The following TENM4 variants were observed in gnomAD, a reference collection of about 807,000 sequenced individuals.
The protein encoded by TENM4 is teneurin-4.
Under a neutral mutation model 243.3 loss-of-function variants are expected in TENM4, and 82 were observed. The ratio of observed to expected loss-of-function variants is 0.34; its 90% CI spans 0.28 to 0.40. The LOEUF (loss-of-function observed/expected upper bound fraction) is 0.40, where lower values mean the gene tolerates loss of function less well. TENM4 is among the 10% of genes least tolerant of loss of function. The pLI, the probability that TENM4 is intolerant of heterozygous loss-of-function variation, is 1.00. For synonymous variants in TENM4, 1,412 were observed against 1,456.3 expected (o/e 0.97, Z 0.69); for missense variants, 3,138 against 3,673.3 (o/e 0.85, Z 3.77).
At chr11:79,179,716 A>C (rs1025899647) in intron 3 of TENM4, among the ~76,000 whole-genome samples, 4 of 151,832 alleles carry the variant, frequency 2.6e-5, no homozygotes, top group Non-Finnish European at 5.9e-5. Context: ...GATGATAAAA[A>C]GTTTGAAGAC....
At chr11:79,043,446 TGGTGGAGCTTCTGTCACCCTG>T (rs1233357127) in intron 6 of TENM4, among the ~76,000 whole-genome samples, 2 of 152,110 alleles carry the variant, frequency 1.3e-5, no homozygotes, top group Non-Finnish European at 2.9e-5. Context: ...CTCCACAAGA[TGGTGGAGCTTCTGTCACCCTG>T]GGTCCATGAG....
intron 2 of TENM4, among the ~76,000 whole-genome samples, chr11:79,227,009 A>G (rs1251860848): frequency 6.6e-6 from 1 of 152,284 alleles, no homozygotes; most frequent in African/African-American, 2.4e-5. Flanking sequence ...AGGGAGCTAC[A>G]TTTCTCAGGT....
At chr11:78,707,503 A>T (rs1859287000) in intron 27 of TENM4, among the ~76,000 whole-genome samples, 1 of 152,232 alleles carries the variant, frequency 6.6e-6, no homozygotes, top group African/African-American at 2.4e-5. Flanking sequence ...TCTTGTTTTA[A>T]CTGCGGCCAC....
At chr11:79,066,392 G>C (rs541806210) in intron 5 of TENM4, among the ~76,000 whole-genome samples, 2 of 152,306 alleles carry the variant, frequency 1.3e-5, no homozygotes, top group African/African-American at 4.8e-5. Flanking sequence ...CGGAGGGGTA[G>C]GAGGCGAGCC....
At chr11:78,996,447 C>T (rs755489228) in intron 6 of TENM4, among the ~76,000 whole-genome samples, 13 of 152,150 alleles carry the variant, frequency 8.5e-5, no homozygotes, top group Non-Finnish European at 1.3e-4. Context: ...AGCCACCATG[C>T]GACTAAAGCC....
chr11:79,253,634 T>C (rs769310234), intron 2 of TENM4, among the ~76,000 whole-genome samples: 20 of 152,192 alleles, frequency 1.3e-4, no homozygotes, highest in Non-Finnish European at 2.5e-4. Flanking sequence ...TCTGAACCGA[T>C]GGGATCCTAA....
At chr11:79,356,032 AC>A in intron 1 of TENM4, among the ~76,000 whole-genome samples, 1 of 152,268 alleles carries the variant, frequency 6.6e-6, no homozygotes, top group Admixed American at 6.5e-5. Context: ...CCACAGACTC[AC>A]CCCAGGCAGT....
intron 4 of TENM4, among the ~76,000 whole-genome samples, chr11:79,126,226 T>A (rs1861873499): frequency 6.6e-6 from 1 of 152,202 alleles, no homozygotes; most frequent in Non-Finnish European, 1.5e-5. Context: ...GAGATTGGGA[T>A]GGTGGAGTGA....
At chr11:79,146,841 G>A (rs1451468055) in intron 4 of TENM4, among the ~76,000 whole-genome samples, 2 of 152,082 alleles carry the variant, frequency 1.3e-5, no homozygotes, top group Non-Finnish European at 2.9e-5. Flanking sequence ...CACATAACTT[G>A]TAAGTTATAG....
intron 1 of TENM4, among the ~76,000 whole-genome samples, chr11:79,420,020 C>T (rs555815003): frequency 3.4e-4 from 51 of 152,236 alleles, no homozygotes; most frequent in African/African-American, 1.0e-3. Context: ...TTAAAGTTCC[C>T]TTAATGGAAT....
chr11:79,332,849 A>T (rs1428506998), intron 1 of TENM4, among the ~76,000 whole-genome samples: 1 of 152,130 alleles, frequency 6.6e-6, no homozygotes, highest in African/African-American at 2.4e-5. Flanking sequence ...TCTCACTCCT[A>T]TGAGAGCAAT....
chr11:79,202,539 G>T (rs919562450), intron 3 of TENM4, among the ~76,000 whole-genome samples: 1 of 152,206 alleles, frequency 6.6e-6, no homozygotes, highest in Non-Finnish European at 1.5e-5. Flanking sequence ...TTCTTAACCT[G>T]GAGCCTGCAA....
chr11:79,271,807 C>T (rs1855974522), intron 2 of TENM4, among the ~76,000 whole-genome samples: 1 of 152,144 alleles, frequency 6.6e-6, no homozygotes, highest in African/African-American at 2.4e-5. Context: ...GGCAAGACCA[C>T]CTAGTAATGA....
At chr11:79,336,458 G>C (rs558528351) in intron 1 of TENM4, among the ~76,000 whole-genome samples, 3 of 152,134 alleles carry the variant, frequency 2.0e-5, no homozygotes, top group Non-Finnish European at 4.4e-5. Flanking sequence ...TGTTATAAAA[G>C]GTATAACAGA....
chr11:79,172,573 C>T (rs1383041590), intron 3 of TENM4, among the ~76,000 whole-genome samples: 2 of 152,150 alleles, frequency 1.3e-5, no homozygotes, highest in East Asian at 3.8e-4. Flanking sequence ...TGGCCTTCTC[C>T]TTTGTGTCCT....
At position 78,805,447 on chromosome 11, in the gene TENM4, C is replaced by G. The variant is rs1482884506; in HGVS notation, c.2024G>C (p.Arg675Thr). Reference sequence around the variant, plus strand: ...TCCCACAGAGCAGTGGCATTCGCCTCTCACGCAGACACCCCGGCCTGAACA... The same window carrying G: ...TCCCACAGAGCAGTGGCATTCGCCTGTCACGCAGACACCCCGGCCTGAACA... ...PTCSGRGVCVRGECHCSVGWG... is the reference protein window; with the variant it reads ...PTCSGRGVCVTGECHCSVGWG... Residue 675 changes from arginine (R) to threonine (T), a missense_variant, in exon 15 of 34, where the codon AGA becomes ACA. Arg to Thr is a moderately conservative substitution (Grantham distance 71). Around this residue, in one of 2 missense-constraint regions of TENM4, gnomAD observed 2,467 missense variants for 3,059.1 expected, o/e 0.81. Transcript: ENST00000278550. 1 of 1,596,744 alleles carries G rather than the reference C, an allele frequency of 6.3e-7. No homozygotes were observed. The highest frequency in any genetic ancestry group is 1.3e-5 in the African/African-American group (1 of 74,496).
intron 3 of TENM4, among the ~76,000 whole-genome samples, chr11:79,167,531 T>C (rs1337207711): frequency 6.6e-6 from 1 of 152,130 alleles, no homozygotes; most frequent in African/African-American, 2.4e-5. Flanking sequence ...GTTAAGAAAA[T>C]TGCCCAAGGC....
intron 6 of TENM4, among the ~76,000 whole-genome samples, chr11:79,007,161 T>C (rs747897117): frequency 1.3e-5 from 2 of 152,226 alleles, no homozygotes; most frequent in Non-Finnish European, 2.9e-5. Flanking sequence ...TCTTTCTATA[T>C]ATACAGACAT....
intron 6 of TENM4, among the ~76,000 whole-genome samples, chr11:78,942,830 A>G (rs77342008): frequency 7.0e-6 from 1 of 143,680 alleles, no homozygotes; most frequent in Non-Finnish European, 1.5e-5. Flanking sequence ...AAAAAAAAAA[A>G]GGCTCAGTGA....
Sources: gnomAD v4.1 joint callset for allele counts (sites outside exome capture counted in the v4.1 genomes callset) on GRCh38, gnomAD v4.1.1 for gene constraint, gnomAD v4.1.1 regional missense constraint, MANE v1.5 for transcripts, NCBI Gene and HGNC (gene_info 2026-07-23, HGNC 2026-07-21) for gene names.